FARS2: variants seen among roughly 807,000 people sequenced by gnomAD.
FARS2 encodes phenylalanine--tRNA ligase, mitochondrial.
Under a neutral mutation model 46.4 loss-of-function variants are expected in FARS2, and 40 were observed. The ratio of observed to expected loss-of-function variants is 0.86; its 90% CI spans 0.67 to 1.12. The LOEUF (loss-of-function observed/expected upper bound fraction) is 1.12, where lower values mean the gene tolerates loss of function less well. Among genes scored for constraint, FARS2 ranks in the 50% most tolerant of loss-of-function variants. FARS2 has a pLI of 0.00. For synonymous variants in FARS2, 234 were observed against 214.9 expected (o/e 1.09, Z -0.78); for missense variants, 513 against 567.9 (o/e 0.90, Z 0.98).
chr6:5,506,596 A>G (rs1196206377), intron 4 of FARS2, among the ~76,000 whole-genome samples: 1 of 152,172 alleles, frequency 6.6e-6, no homozygotes, highest in Non-Finnish European at 1.5e-5. Flanking sequence ...ACCACTGCCT[A>G]AGATTCCAGA....
In FARS2 at chr6:5,485,184, G is replaced by A. The variant is rs563684817; in HGVS notation, c.904+54012G>A. Reference sequence around the variant, plus strand: ...GTTTCATGGCCAAGTCAGTGGACTCGGAGCTGCCTCTCCTTTGATGTAGCA... The same window carrying A: ...GTTTCATGGCCAAGTCAGTGGACTCAGAGCTGCCTCTCCTTTGATGTAGCA... On this transcript the variant is annotated intron_variant, in intron 4 of 6. Transcript: ENST00000274680. Among the ~76,000 whole-genome samples the A allele has an allele frequency of 8.5e-5, 13 of 152,164 alleles. No homozygotes were observed. In the South Asian group the frequency reaches 1.2e-3, roughly 15 times the overall value.
intron 6 of FARS2, among the ~76,000 whole-genome samples, chr6:5,654,061 G>T (rs138149165): frequency 6.6e-6 from 1 of 152,314 alleles, no homozygotes; most frequent in East Asian, 1.9e-4. Context: ...GACATCACTA[G>T]TAGAGTCAGC....
chr6:5,369,668 C>T (rs1758917223), intron 2 of FARS2, among the ~76,000 whole-genome samples: 1 of 152,110 alleles, frequency 6.6e-6, no homozygotes, highest in Non-Finnish European at 1.5e-5. Flanking sequence ...TGTCTTGTCC[C>T]CAGGCACTTT....
chr6:5,625,506 G>A (rs1405641949), intron 6 of FARS2, among the ~76,000 whole-genome samples: 2 of 152,174 alleles, frequency 1.3e-5, no homozygotes, highest in Admixed American at 6.5e-5. Flanking sequence ...GGTCAGCCCC[G>A]GGGGGAGGGA....
intron 6 of FARS2, among the ~76,000 whole-genome samples, chr6:5,616,033 AAAC>A (rs1775460994): frequency 2.0e-5 from 3 of 150,236 alleles, no homozygotes; most frequent in South Asian, 2.1e-4. Flanking sequence ...AAAAAAAAAA[AAAC>A]AACGAAACAA....
intron 1 of FARS2, among the ~76,000 whole-genome samples, chr6:5,355,613 T>C (rs111501655): frequency 0.058 from 8,851 of 152,100 alleles, 303 homozygotes; most frequent in Middle Eastern, 0.14. Flanking sequence ...CGCCTCGGCC[T>C]CCCAAAGTGC....
chr6:5,421,443 C>T (rs1762543644), intron 3 of FARS2, among the ~76,000 whole-genome samples: 1 of 152,192 alleles, frequency 6.6e-6, no homozygotes. Context: ...CTTTCACCTT[C>T]TTGTTACTTA....
At chr6:5,588,505 G>A (rs1178897570) in intron 5 of FARS2, among the ~76,000 whole-genome samples, 1 of 152,106 alleles carries the variant, frequency 6.6e-6, no homozygotes, top group Non-Finnish European at 1.5e-5. Flanking sequence ...AAGTCCTAGG[G>A]ACCTCTGCTA....
At chr6:5,759,040 C>T (rs367850694) in intron 6 of FARS2, among the ~76,000 whole-genome samples, 1 of 152,120 alleles carries the variant, frequency 6.6e-6, no homozygotes, top group Non-Finnish European at 1.5e-5. Context: ...CTGAGCTTGA[C>T]GGGACATGCA....
At chr6:5,666,489 C>A (rs961204883) in intron 6 of FARS2, among the ~76,000 whole-genome samples, 1 of 152,094 alleles carries the variant, frequency 6.6e-6, no homozygotes. Flanking sequence ...CTTCCAGTTG[C>A]AAGGAGAGAG....
chr6:5,514,934 GTT>G (rs1261922929), intron 4 of FARS2, among the ~76,000 whole-genome samples: 1 of 127,808 alleles, frequency 7.8e-6, no homozygotes, highest in Admixed American at 7.5e-5. Context: ...CTGGCTAAAT[GTT>G]TTTTGTTTTT....
At chr6:5,568,698 G>A (rs970456941) in intron 5 of FARS2, among the ~76,000 whole-genome samples, 3 of 152,188 alleles carry the variant, frequency 2.0e-5, no homozygotes, top group African/African-American at 4.8e-5. Context: ...AACTTAGCTC[G>A]CAAAGCTTAG....
chr6:5,272,979 C>G (rs1029441132), intron 1 of FARS2, among the ~76,000 whole-genome samples: 2 of 152,102 alleles, frequency 1.3e-5, no homozygotes, highest in African/African-American at 4.8e-5. Flanking sequence ...CTGCAAATGG[C>G]AGAACTTCAT....
chr6:5,431,702 C>A (rs775880334), intron 4 of FARS2: 4 of 532,562 alleles, frequency 7.5e-6, no homozygotes, highest in South Asian at 2.8e-5. Flanking sequence ...AATGGAAACA[C>A]GAGGTTGCTG....
At chr6:5,270,671 C>G (rs913886518) in intron 1 of FARS2, among the ~76,000 whole-genome samples, 1 of 152,162 alleles carries the variant, frequency 6.6e-6, no homozygotes, top group African/African-American at 2.4e-5. Flanking sequence ...ATTTTTATAT[C>G]ACCTTCTCTC....
chr6:5,761,486 C>T (rs1031479496), intron 6 of FARS2, among the ~76,000 whole-genome samples: 1 of 152,220 alleles, frequency 6.6e-6, no homozygotes, highest in Non-Finnish European at 1.5e-5. Context: ...GGAAACGTAG[C>T]ACTTCACCTG....
At chr6:5,472,381 G>A (rs1765855078) in intron 4 of FARS2, among the ~76,000 whole-genome samples, 2 of 152,280 alleles carry the variant, frequency 1.3e-5, no homozygotes, top group Admixed American at 1.3e-4. Flanking sequence ...CTCTCCTGCA[G>A]GTTTATCCAC....
At chr6:5,260,861 G>A, upstream of FARS2, 1 of 1,484,838 alleles carries the variant, frequency 6.7e-7, no homozygotes, top group East Asian at 2.5e-5. Context: ...TTGCCAGCGG[G>A]CCGGGCCTAA....
chr6:5,262,754 C>T (rs911646823), intron 1 of FARS2, among the ~76,000 whole-genome samples: 1 of 152,206 alleles, frequency 6.6e-6, no homozygotes, highest in African/African-American at 2.4e-5. Context: ...TAAGTCTCCT[C>T]CCTGATTTCT....
Sources: allele counts gnomAD v4.1 joint callset (sites outside exome capture counted in the v4.1 genomes callset), GRCh38; gene constraint gnomAD v4.1.1; transcripts MANE v1.5; gene names NCBI Gene and HGNC (gene_info 2026-07-23, HGNC 2026-07-21).